The following DNAH11 variants were observed in gnomAD, a reference collection of about 807,000 sequenced individuals.
DNAH11 encodes the protein dynein axonemal heavy chain 11.
DNAH11 carries 442 observed loss-of-function variants against 526.0 expected under a neutral mutation model. The ratio of observed to expected loss-of-function variants is 0.84; its 90% confidence interval spans 0.78 to 0.91. The LOEUF is 0.91. DNAH11 is among the 40% of genes least tolerant of loss of function. DNAH11 has a pLI of 0.00. For missense variants in DNAH11, 6,989 were observed against 5,448.7 expected (o/e 1.28, Z -8.90); for synonymous variants, 2,461 against 1,935.9 (o/e 1.27, Z -7.12).
intron 65 of DNAH11, among the ~76,000 whole-genome samples, chr7:21,826,345 G>T (rs1790298972): frequency 6.6e-6 from 1 of 152,058 alleles, no homozygotes; most frequent in Non-Finnish European, 1.5e-5. Flanking sequence ...AGGAGATATG[G>T]TAAAATAAAA....
In DNAH11 at chr7:21,901,343, A is replaced by G. The variant is rs1038836048; in HGVS notation, c.*89A>G. The G allele has an allele frequency of 3.2e-5, 44 of 1,377,956 alleles. No homozygotes were observed. The highest frequency in any genetic ancestry group is 3.9e-5 in the Non-Finnish European group (41 of 1,052,676). 85.4% of individuals were successfully genotyped at this position (1,377,956 alleles called of 1,614,324 possible). On this transcript the variant is annotated 3_prime_UTR_variant, in exon 82 of 82. Transcript: ENST00000409508. ...CACTGTTCCCATGCACATTATTCTAACTTTTTAGTAACTCACACGTGCATT... is the reference window on the plus strand; with the variant it reads ...CACTGTTCCCATGCACATTATTCTAGCTTTTTAGTAACTCACACGTGCATT...
chr7:21,623,946 C>G (rs898711032), intron 25 of DNAH11, among the ~76,000 whole-genome samples: 1 of 149,892 alleles, frequency 6.7e-6, no homozygotes, highest in Non-Finnish European at 1.5e-5. Context: ...GCACATGTAC[C>G]CTAAAACTTA....
intron 56 of DNAH11, among the ~76,000 whole-genome samples, chr7:21,776,836 T>A (rs1787689385): frequency 6.6e-6 from 1 of 152,168 alleles, no homozygotes; most frequent in Non-Finnish European, 1.5e-5. Context: ...TCTTATAGGT[T>A]CAATGGTAGC....
At chr7:21,834,146 T>C (rs1037570813) in intron 65 of DNAH11, among the ~76,000 whole-genome samples, 3 of 152,236 alleles carry the variant, frequency 2.0e-5, no homozygotes, top group Admixed American at 1.3e-4. Flanking sequence ...ATTGAAATTA[T>C]GTCAAGTCTT....
At chr7:21,866,335 A>AAAAG in intron 70 of DNAH11, 135 bp from the exon 71 acceptor site, 1 of 702,582 alleles carries the variant, frequency 1.4e-6, no homozygotes, top group South Asian at 4.2e-5. Context: ...AAAAAAAAAA[A>AAAAG]GGAAATCTGA....
intron 6 of DNAH11, among the ~76,000 whole-genome samples, chr7:21,565,744 T>C (rs1783640377): frequency 6.6e-6 from 1 of 152,194 alleles, no homozygotes; most frequent in Non-Finnish European, 1.5e-5. Context: ...GATTCAAAGA[T>C]AACCTAAGTG....
At chr7:21,743,537 A>G (rs571427257) in intron 49 of DNAH11, among the ~76,000 whole-genome samples, 2 of 152,320 alleles carry the variant, frequency 1.3e-5, no homozygotes, top group East Asian at 1.9e-4. Flanking sequence ...CGAAAACTCC[A>G]TAGGACCTCT....
At chr7:21,552,648 C>A (rs1218984403) in intron 2 of DNAH11, among the ~76,000 whole-genome samples, 2 of 152,052 alleles carry the variant, frequency 1.3e-5, no homozygotes, top group African/African-American at 4.8e-5. Flanking sequence ...TTCTCCAGGA[C>A]CTTTTCTAAG....
intron 62 of DNAH11, among the ~76,000 whole-genome samples, chr7:21,801,478 A>T (rs956212320): frequency 6.6e-6 from 1 of 152,182 alleles, no homozygotes; most frequent in Non-Finnish European, 1.5e-5. Context: ...TCCTGAACTC[A>T]ATGTGCCATC....
chr7:21,705,012 A>G (rs1353724597), intron 38 of DNAH11, among the ~76,000 whole-genome samples: 1 of 152,216 alleles, frequency 6.6e-6, no homozygotes, highest in Non-Finnish European at 1.5e-5. Flanking sequence ...TATGAGAATA[A>G]CTTAAGTAGA....
chr7:21,598,992 A>T (rs1430219085), intron 14 of DNAH11, among the ~76,000 whole-genome samples: 1 of 152,170 alleles, frequency 6.6e-6, no homozygotes, highest in Admixed American at 6.5e-5. Flanking sequence ...TATCATTGAT[A>T]GGCACTTAGG....
chr7:21,579,827 T>C (rs1562676181), intron 8 of DNAH11, among the ~76,000 whole-genome samples: 1 of 152,130 alleles, frequency 6.6e-6, no homozygotes, highest in Non-Finnish European at 1.5e-5. Flanking sequence ...GAATCAGAGA[T>C]AGGACTAGAG....
At chr7:21,557,259 C>T (rs1453399304) in intron 2 of DNAH11, among the ~76,000 whole-genome samples, 1 of 152,106 alleles carries the variant, frequency 6.6e-6, no homozygotes, top group African/African-American at 2.4e-5. Flanking sequence ...TTCCTACAAG[C>T]ACCATACTCC....
At chr7:21,839,019 T>C (rs931732434) in intron 65 of DNAH11, among the ~76,000 whole-genome samples, 3 of 152,202 alleles carry the variant, frequency 2.0e-5, no homozygotes. Context: ...CTTTGCTTTT[T>C]TATTATAGTC....
At chr7:21,795,954 A>G (rs1444721219) in intron 61 of DNAH11, among the ~76,000 whole-genome samples, 2 of 148,320 alleles carry the variant, frequency 1.3e-5, no homozygotes, top group Non-Finnish European at 3.0e-5. Flanking sequence ...ATTTCAAGAA[A>G]GAGGGTCACG....
Position 21,709,594 on chromosome 7 carries a change from A to C in DNAH11, c.6684-959A>C, listed in dbSNP as rs866084046. 7.9e-5 allele frequency among the ~76,000 whole-genome samples: 12 copies of C among 152,360 alleles called. No homozygotes were observed. In the South Asian group the frequency reaches 1.7e-3, roughly 21 times the overall value. ...CCTAAAATAAAAGTTGAAATTTTAA[A>C]AATAGTAATAATAAAGCAGGACACC... On this transcript the variant is annotated intron_variant, in intron 40 of 81. Transcript: ENST00000409508.
chr7:21,795,134 C>G (rs528406613), intron 61 of DNAH11, among the ~76,000 whole-genome samples: 3 of 152,204 alleles, frequency 2.0e-5, no homozygotes, highest in African/African-American at 7.2e-5. Context: ...TTTGTGTTCT[C>G]AAACTTTTGC....
At chr7:21,833,816 T>C (rs1205012085) in intron 65 of DNAH11, among the ~76,000 whole-genome samples, 1 of 152,240 alleles carries the variant, frequency 6.6e-6, no homozygotes, top group Non-Finnish European at 1.5e-5. Flanking sequence ...GTATCTCTTA[T>C]GTGTGAGAAC....
At chr7:21,676,882 T>C (rs935997694) in intron 30 of DNAH11, among the ~76,000 whole-genome samples, 10 of 152,208 alleles carry the variant, frequency 6.6e-5, no homozygotes, top group Non-Finnish European at 1.3e-4. Flanking sequence ...CTAAAGTGTA[T>C]ATTAATTTTC....
Sources: gnomAD v4.1 joint callset for allele counts (sites outside exome capture counted in the v4.1 genomes callset) on GRCh38, gnomAD v4.1.1 for gene constraint, MANE v1.5 for transcripts, NCBI Gene and HGNC (gene_info 2026-07-23, HGNC 2026-07-21) for gene names.